CSMD2: variants seen among roughly 807,000 people sequenced by gnomAD.
The protein encoded by CSMD2 is CUB and sushi domain-containing protein 2.
Under a neutral mutation model 398.5 loss-of-function variants are expected in CSMD2, and 130 were observed. The ratio of observed to expected loss-of-function variants is 0.33; its 90% CI spans 0.28 to 0.38. The LOEUF is 0.38. Ranked by LOEUF, CSMD2 falls within the 10% of genes least tolerant of loss-of-function variation. The pLI is 1.00. For missense variants in CSMD2, 3,829 were observed against 4,764.9 expected (o/e 0.80, Z 5.78); for synonymous variants, 1,828 against 1,908.5 (o/e 0.96, Z 1.10).
At chr1:33,523,483 TG>T (rs1194836602) in intron 66 of CSMD2, 64 bp from the exon 67 acceptor site, 1 of 729,320 alleles carries the variant, frequency 1.4e-6, no homozygotes, top group East Asian at 2.7e-5. Flanking sequence ...CTCAAATTTG[TG>T]GGTTTGTGGG....
At chr1:33,937,926 G>A (rs1456636291) in intron 3 of CSMD2, among the ~76,000 whole-genome samples, 3 of 152,264 alleles carry the variant, frequency 2.0e-5, no homozygotes, top group East Asian at 1.9e-4. Context: ...GGCCTAGTCT[G>A]GTTCATAGGT....
chr1:34,043,188 T>C (rs1652068945), intron 2 of CSMD2, among the ~76,000 whole-genome samples: 1 of 152,138 alleles, frequency 6.6e-6, no homozygotes, highest in Admixed American at 6.5e-5. Context: ...CCTCCCTAAG[T>C]GCTGGGATTA....
At chr1:33,901,680 A>G (rs952604572) in intron 5 of CSMD2, among the ~76,000 whole-genome samples, 49 of 152,334 alleles carry the variant, frequency 3.2e-4, no homozygotes, top group African/African-American at 1.1e-3. Context: ...AAAGGTTGAG[A>G]CTTCCTAGTT....
intron 25 of CSMD2, among the ~76,000 whole-genome samples, chr1:33,676,647 A>G (rs1379396478): frequency 6.6e-6 from 1 of 152,132 alleles, no homozygotes; most frequent in Non-Finnish European, 1.5e-5. Context: ...AGCCCGCATC[A>G]CCAAGTCAAT....
At chr1:33,964,796 G>A (rs552034189) in intron 3 of CSMD2, among the ~76,000 whole-genome samples, 24 of 152,262 alleles carry the variant, frequency 1.6e-4, no homozygotes, top group Non-Finnish European at 2.9e-5. Context: ...TCAGCACCAG[G>A]TATATCTGGC....
At chr1:33,816,370 G>A (rs1184431340) in intron 9 of CSMD2, among the ~76,000 whole-genome samples, 2 of 152,020 alleles carry the variant, frequency 1.3e-5, no homozygotes, top group African/African-American at 4.8e-5. Flanking sequence ...TTGTTAATTT[G>A]GTCCTCTCAC....
chr1:33,920,781 G>T (rs142364636), intron 4 of CSMD2, among the ~76,000 whole-genome samples: 2 of 152,136 alleles, frequency 1.3e-5, no homozygotes, highest in Non-Finnish European at 2.9e-5. Flanking sequence ...AGAGGGCAAG[G>T]GAACAAGGTG....
chr1:33,990,469 G>A lies in CSMD2; in HGVS notation c.517+42125C>T, dbSNP rs146897730. Among the ~76,000 whole-genome samples the A allele has an allele frequency of 2.4e-4, 36 of 152,122 alleles. No individual in the cohort carries two copies. The East Asian group carries it at 4.1e-3, about 17-fold the overall frequency. ...ATTTAAGGTGATGAGAGTGTTGCAC[G>A]AAACACATTACTCTCCCCTCACCCC... On this transcript the variant is annotated intron_variant, in intron 3 of 70. Transcript: ENST00000373381.
At chr1:33,643,004 C>T (rs139747162) in intron 29 of CSMD2, among the ~76,000 whole-genome samples, 141 of 152,272 alleles carry the variant, frequency 9.3e-4, no homozygotes, top group African/African-American at 3.2e-3. Context: ...GTGGGGCGCT[C>T]GTAGGCCCCT....
chr1:34,125,006 G>A (rs1662591890), intron 1 of CSMD2, among the ~76,000 whole-genome samples: 2 of 152,270 alleles, frequency 1.3e-5, no homozygotes, highest in Admixed American at 1.3e-4. Context: ...GGGAATGAGT[G>A]TGTCAATCAT....
intron 5 of CSMD2, chr1:33,870,178 T>G (rs992023339): frequency 6.6e-6 from 1 of 152,194 alleles, no homozygotes; most frequent in Non-Finnish European, 1.5e-5. Flanking sequence ...CCCTTTGTCC[T>G]ATCATGTGAC....
chr1:33,694,488 T>C (rs1286109962), intron 24 of CSMD2, among the ~76,000 whole-genome samples: 1 of 152,176 alleles, frequency 6.6e-6, no homozygotes. Flanking sequence ...GTTCTCATGA[T>C]AGTGAGTGAG....
intron 46 of CSMD2, among the ~76,000 whole-genome samples, chr1:33,585,675 T>TCCTAC (rs1639036255): frequency 6.6e-6 from 1 of 152,220 alleles, no homozygotes; most frequent in South Asian, 2.1e-4. Context: ...CTCTACCAGG[T>TCCTAC]CTGCTATTCC....
intron 3 of CSMD2, among the ~76,000 whole-genome samples, chr1:34,010,772 C>T (rs1323822443): frequency 6.6e-6 from 1 of 152,164 alleles, no homozygotes; most frequent in African/African-American, 2.4e-5. Context: ...GCGCCTGCCA[C>T]CACGCTAGGC....
At chr1:33,542,496 A>G (rs957785398) in intron 58 of CSMD2, among the ~76,000 whole-genome samples, 1 of 152,208 alleles carries the variant, frequency 6.6e-6, no homozygotes, top group Non-Finnish European at 1.5e-5. Flanking sequence ...GGAGTTACGG[A>G]GTTATGGTGA....
chr1:33,940,828 T>C (rs187900930), intron 3 of CSMD2, among the ~76,000 whole-genome samples: 5 of 152,322 alleles, frequency 3.3e-5, no homozygotes, highest in African/African-American at 7.2e-5. Flanking sequence ...CTGATTTTTT[T>C]CCCAGTCTGA....
intron 2 of CSMD2, among the ~76,000 whole-genome samples, chr1:34,073,950 G>A (rs1656028382): frequency 6.6e-6 from 1 of 152,200 alleles, no homozygotes; most frequent in South Asian, 2.1e-4. Flanking sequence ...TAAGGCAAAG[G>A]GGGAATAAGC....
rs1285706344 is a variant in CSMD2, at chr1:33,514,816, C to G, written c.*1808G>C. On this transcript the variant is annotated 3_prime_UTR_variant, in exon 71 of 71. Coordinates refer to ENST00000373381, the MANE Select transcript of CSMD2 (RefSeq NM_001281956.2). ...AGGTGGTGTGGCCAGGGGTAGGCTC[C>G]TGCCTCTGTCAGCCTCCATTGTGTC... is the stretch of plus-strand genomic sequence containing the variant. The G allele has an allele frequency of 6.6e-6, 1 of 152,212 alleles. No homozygotes were observed. The highest frequency in any genetic ancestry group is 1.9e-4 in the East Asian group (1 of 5,184). 9.4% of individuals were successfully genotyped at this position (152,212 alleles called of 1,614,324 possible). A position where few individuals can be genotyped will look rare whatever the true frequency, so the allele number is the denominator to read the frequency against.
At position 33,633,396 on chromosome 1, in the gene CSMD2, C is replaced by G; in HGVS notation, c.5200+26G>C. The stretch of plus-strand genomic sequence containing the variant: ...CGTGATGCCCCCGGCCCACAACCAT[C>G]CCCACACTGGCCGAGCCCCGGATAC... On this transcript the variant is annotated intron_variant, in intron 32 of 70. Coordinates refer to ENST00000373381, the MANE Select transcript of CSMD2 (RefSeq NM_001281956.2). The surrounding 1 kb of genome is among the most constrained non-coding windows in gnomAD (Gnocchi z 5.0). 1.3e-6 allele frequency: 2 copies of G among 1,511,596 alleles called. No individual in the cohort carries two copies. The highest frequency in any genetic ancestry group is 1.8e-6 in the Non-Finnish European group (2 of 1,111,708). 93.6% of individuals were successfully genotyped at this position (1,511,596 alleles called of 1,614,324 possible). A position where few individuals can be genotyped will look rare whatever the true frequency, so the allele number is the denominator to read the frequency against.
Sources: gnomAD v4.1 joint callset for allele counts (sites outside exome capture counted in the v4.1 genomes callset) on GRCh38, gnomAD v4.1.1 for gene constraint, Gnocchi (gnomAD v3.1) non-coding constraint, MANE v1.5 for transcripts, NCBI Gene and HGNC (gene_info 2026-07-23, HGNC 2026-07-21) for gene names.